Variants in WWP2 observed in about 807,000 individuals in gnomAD.
The protein encoded by WWP2 is NEDD4-like E3 ubiquitin-protein ligase WWP2.
Under a neutral mutation model 121.0 loss-of-function variants are expected in WWP2, and 57 were observed. The ratio of observed to expected loss-of-function variants is 0.47; its 90% confidence interval spans 0.38 to 0.59. The LOEUF (loss-of-function observed/expected upper bound fraction) is 0.59, where lower values mean the gene tolerates loss of function less well. Ranked by LOEUF, WWP2 falls within the 20% of genes least tolerant of loss-of-function variation. The probability of loss-of-function intolerance (pLI) is 0.00; values close to 1 mark genes in which losing one functional copy is unlikely to be tolerated. For missense variants in WWP2, 962 were observed against 1,158.9 expected (o/e 0.83, Z 2.47); for synonymous variants, 449 against 441.3 (o/e 1.02, Z -0.22).
At chr16:69,912,956 ATATATATATATATATATATATATAT>A (rs2058411362) in intron 9 of WWP2, among the ~76,000 whole-genome samples, 1 of 6,356 alleles carries the variant, frequency 1.6e-4, no homozygotes, top group Non-Finnish European at 2.9e-4. Context: ...AAAAAAAAAA[ATATATATATATATATATATATATAT>A]ATATATATAT....
chr16:69,797,265 A>T (rs2056067245), intron 2 of WWP2, among the ~76,000 whole-genome samples: 1 of 152,354 alleles, frequency 6.6e-6, no homozygotes, highest in Non-Finnish European at 1.5e-5. Context: ...AATGTAGATG[A>T]CTAACGACAC....
At chr16:69,865,646 A>G (rs1042261787) in intron 6 of WWP2, among the ~76,000 whole-genome samples, 1 of 152,222 alleles carries the variant, frequency 6.6e-6, no homozygotes, top group African/African-American at 2.4e-5. Context: ...TTATCAGGTT[A>G]TAGGAGAAGC....
chr16:69,801,140 G>A (rs1229939563), intron 4 of WWP2, among the ~76,000 whole-genome samples: 6 of 145,170 alleles, frequency 4.1e-5, no homozygotes, highest in African/African-American at 1.3e-4. Flanking sequence ...AGTGAGCCGA[G>A]ATTGCGCCAC....
chr16:69,790,448 G>A (rs1355045702), intron 2 of WWP2, among the ~76,000 whole-genome samples: 1 of 152,156 alleles, frequency 6.6e-6, no homozygotes, highest in Non-Finnish European at 1.5e-5. Context: ...CTGAGGAGGA[G>A]GAGGAAGAGG....
rs111612968 is a variant in WWP2, at chr16:69,887,562, T to C, written c.704-477T>C. On this transcript the variant is annotated intron_variant, in intron 7 of 23. Coordinates refer to ENST00000359154, the MANE Select transcript of WWP2 (RefSeq NM_001270454.2). ...CTGGGATTATAGGTGTGCGCCACCA[T>C]GCCCAGCTAAATTTTGTATTTTTAG... Among the ~76,000 whole-genome samples the C allele has an allele frequency of 7.0e-3, 1,064 of 152,164 alleles. 12 individuals are homozygous for C. Among genetic ancestry groups the C allele is most frequent in the African/African-American group, 0.025 (1,020 of 41,518 alleles).
rs139483912 is a variant in WWP2, at chr16:69,826,157, C to T, written c.341-13969C>T. Among the ~76,000 whole-genome samples the T allele has an allele frequency of 2.2e-3, 338 of 151,544 alleles. 2 individuals carry two copies. Among genetic ancestry groups the T allele is most frequent in the South Asian group, 5.6e-3 (27 of 4,788 alleles). On this transcript the variant is annotated intron_variant, in intron 4 of 23. Coordinates refer to ENST00000359154, the MANE Select transcript of WWP2 (RefSeq NM_001270454.2). ...TGGTGGGTGCCTATAATCCTAGCTACTCAGGAGGCTGAGTCAGGAGAATCG... is the reference window on the plus strand; with the variant it reads ...TGGTGGGTGCCTATAATCCTAGCTATTCAGGAGGCTGAGTCAGGAGAATCG...
chr16:69,934,891 G>C (rs2058771936), intron 17 of WWP2, among the ~76,000 whole-genome samples: 1 of 152,200 alleles, frequency 6.6e-6, no homozygotes, highest in Non-Finnish European at 1.5e-5. Flanking sequence ...CAGTCCATGG[G>C]CGCTGCCGTT....
At chr16:69,790,179 C>T (rs537227145) in intron 2 of WWP2, among the ~76,000 whole-genome samples, 71 of 151,930 alleles carry the variant, frequency 4.7e-4, no homozygotes, top group African/African-American at 1.6e-3. Context: ...CCCGGGAGGC[C>T]GAGGTTGCTG....
At chr16:69,829,346 A>T (rs1469229414) in intron 4 of WWP2, among the ~76,000 whole-genome samples, 1 of 151,992 alleles carries the variant, frequency 6.6e-6, no homozygotes, top group Non-Finnish European at 1.5e-5. Context: ...CAGTTAAAAA[A>T]CCCTTTAGCA....
At chr16:69,769,863 G>T (rs1232888758) in intron 1 of WWP2, among the ~76,000 whole-genome samples, 3 of 141,900 alleles carry the variant, frequency 2.1e-5, no homozygotes, top group Non-Finnish European at 4.5e-5. Context: ...AATCTCCCAA[G>T]TGATCAGTGT....
At chr16:69,893,994 C>G (rs1268460534) in intron 8 of WWP2, among the ~76,000 whole-genome samples, 1 of 152,186 alleles carries the variant, frequency 6.6e-6, no homozygotes, top group Non-Finnish European at 1.5e-5. Flanking sequence ...TTTATCTTCT[C>G]AACTCATCCA....
At chr16:69,778,746 A>G (rs1169512259) in intron 1 of WWP2, among the ~76,000 whole-genome samples, 2 of 150,830 alleles carry the variant, frequency 1.3e-5, no homozygotes, top group African/African-American at 2.4e-5. Flanking sequence ...GGTTCAAGCA[A>G]TTCTCCTGCC....
chr16:69,910,651 C>T (rs969800587), intron 9 of WWP2, among the ~76,000 whole-genome samples: 4 of 152,150 alleles, frequency 2.6e-5, no homozygotes, highest in African/African-American at 4.8e-5. Flanking sequence ...CCTTGTGATT[C>T]GCCTGCCTTT....
chr16:69,806,456 G>A (rs2056276106), intron 4 of WWP2, among the ~76,000 whole-genome samples: 1 of 152,072 alleles, frequency 6.6e-6, no homozygotes, highest in South Asian at 2.1e-4. Context: ...TTCCAACTTT[G>A]GGAACAGTCT....
intron 1 of WWP2, among the ~76,000 whole-genome samples, chr16:69,777,768 G>C (rs1256144234): frequency 3.3e-5 from 5 of 150,732 alleles, no homozygotes; most frequent in Non-Finnish European, 7.4e-5. Context: ...ATATAAATAT[G>C]TTATTTATAT....
intron 6 of WWP2, among the ~76,000 whole-genome samples, chr16:69,864,009 G>A (rs1283083822): frequency 6.6e-6 from 1 of 152,194 alleles, no homozygotes; most frequent in Non-Finnish European, 1.5e-5. Context: ...TACAAGCAAA[G>A]CCTCTATGAG....
At chr16:69,906,786 A>C (rs550800517) in intron 8 of WWP2, among the ~76,000 whole-genome samples, 5 of 152,194 alleles carry the variant, frequency 3.3e-5, no homozygotes, top group Non-Finnish European at 5.9e-5. Context: ...AGGCTGAGGC[A>C]GGGGTATCAC....
At chr16:69,770,440 G>A (rs2055390593) in intron 1 of WWP2, among the ~76,000 whole-genome samples, 1 of 152,176 alleles carries the variant, frequency 6.6e-6, no homozygotes, top group Non-Finnish European at 1.5e-5. Context: ...GAGGTTCTTG[G>A]AGGATGGCAC....
intron 11 of WWP2, 43 bp from the exon 12 acceptor site, chr16:69,929,405 C>T: frequency 6.3e-7 from 1 of 1,587,388 alleles, no homozygotes; most frequent in East Asian, 2.2e-5. Flanking sequence ...CACCGGCTCT[C>T]CGTGTTTGAA....
Sources: gnomAD v4.1 joint callset for allele counts (sites outside exome capture counted in the v4.1 genomes callset) on GRCh38, gnomAD v4.1.1 for gene constraint, MANE v1.5 for transcripts, NCBI Gene and HGNC (gene_info 2026-07-23, HGNC 2026-07-21) for gene names.